The following ATRN variants were observed in gnomAD, a reference collection of about 807,000 sequenced individuals.
ATRN encodes attractin.
Under a neutral mutation model 178.7 loss-of-function variants are expected in ATRN, and 54 were observed. That is an observed-to-expected ratio of 0.30 (90% CI 0.24 to 0.38). The LOEUF is 0.38. Ranked by LOEUF, ATRN falls within the 10% of genes least tolerant of loss-of-function variation. The pLI, the probability that ATRN is intolerant of heterozygous loss-of-function variation, is 1.00. For synonymous variants in ATRN, 636 were observed against 663.0 expected, an observed-to-expected ratio of 0.96 and a Z score of 0.63; for missense variants, 1,443 against 1,815.1, an observed-to-expected ratio of 0.79 and a Z score of 3.73.
rs1464578570 is a variant in ATRN at position 3,471,039 on chromosome 20, A to T, written c.-69A>T. On this transcript the variant is annotated 5_prime_UTR_variant, in exon 1 of 29. Coordinates refer to ENST00000262919, the MANE Select transcript of ATRN (RefSeq NM_139321.3). Reference sequence around the variant, plus strand: ...CCGCACAGCCCCGCCCCGCACGGCCAGGCGAAGCGGAGCCGGCCGTGCGGT... The same window carrying T: ...CCGCACAGCCCCGCCCCGCACGGCCTGGCGAAGCGGAGCCGGCCGTGCGGT... 4.4e-6 allele frequency: 6 copies of T among 1,361,198 alleles called. No homozygotes were observed. Among genetic ancestry groups the T allele is most frequent in the South Asian group, 3.0e-5 (2 of 66,310 alleles). The allele number at this position is 1,361,198 out of a possible 1,614,324, so 84.3% of individuals were successfully genotyped here. A position where few individuals can be genotyped will look rare whatever the true frequency, so the allele number is the denominator to read the frequency against.
intron 25 of ATRN, among the ~76,000 whole-genome samples, chr20:3,631,529 A>G (rs1203818941): frequency 6.6e-6 from 1 of 152,128 alleles, no homozygotes; most frequent in Non-Finnish European, 1.5e-5. Context: ...CTCCTTAAAG[A>G]GGGAAATAAG....
intron 1 of ATRN, among the ~76,000 whole-genome samples, chr20:3,494,392 G>T (rs1600028080): frequency 6.6e-6 from 1 of 152,144 alleles, no homozygotes; most frequent in Non-Finnish European, 1.5e-5. Flanking sequence ...GACATGATCA[G>T]ATTGCCCTTG....
chr20:3,630,916 C>A (rs1404493506), intron 25 of ATRN, among the ~76,000 whole-genome samples: 1 of 43,426 alleles, frequency 2.3e-5, no homozygotes, highest in Non-Finnish European at 4.2e-5. Flanking sequence ...ATTTATTTAG[C>A]TTTTTTTTTT....
chr20:3,592,415 GAAA>G, intron 19 of ATRN: 3 of 626,146 alleles, frequency 4.8e-6, no homozygotes, highest in Non-Finnish European at 5.8e-6. Flanking sequence ...AAAAAAAAAA[GAAA>G]AAAAAAAAAG....
intron 24 of ATRN, among the ~76,000 whole-genome samples, chr20:3,624,259 CAG>C (rs1189574077): frequency 6.6e-6 from 1 of 152,172 alleles, no homozygotes; most frequent in Non-Finnish European, 1.5e-5. Flanking sequence ...GTCAAACAGA[CAG>C]AACCTCAGAA....
intron 2 of ATRN, among the ~76,000 whole-genome samples, chr20:3,536,844 G>C (rs976295041): frequency 6.6e-6 from 1 of 152,142 alleles, no homozygotes; most frequent in Non-Finnish European, 1.5e-5. Context: ...TAATAGTACA[G>C]TATTTTAAAA....
At chr20:3,583,257 A>C (rs969410020) in intron 16 of ATRN, among the ~76,000 whole-genome samples, 5 of 152,166 alleles carry the variant, frequency 3.3e-5, no homozygotes, top group Non-Finnish European at 7.4e-5. Flanking sequence ...CAAACATGAG[A>C]TTTTACATAT....
chr20:3,592,046 C>T lies in ATRN; in HGVS notation c.3322+740C>T, dbSNP rs77519077. On this transcript the variant is annotated intron_variant, in intron 19 of 28. Coordinates refer to ENST00000262919, the MANE Select transcript of ATRN (RefSeq NM_139321.3). Reference sequence around the variant, plus strand: ...GTGGTCAGGCCTGAAAAATCACACACGGGCTTTTTAACCAGGAGCCAGACT... The same window carrying T: ...GTGGTCAGGCCTGAAAAATCACACATGGGCTTTTTAACCAGGAGCCAGACT... 8.9e-4 allele frequency among the ~76,000 whole-genome samples: 136 copies of T among 152,336 alleles called. No individual in the cohort carries two copies. In the East Asian group the frequency reaches 0.013, roughly 15 times the overall value.
In ATRN at chr20:3,471,065, G is replaced by A. The variant is rs764107587; in HGVS notation, c.-43G>A. On this transcript the variant is annotated 5_prime_UTR_variant, in exon 1 of 29. In the 5' UTR this introduces an upstream ATG that the reference lacks. Transcript: ENST00000262919. ...GGCGAAGCGGAGCCGGCCGTGCGGT[G>A]TGTGTGTATGTGTTCGCGGGGCGCC... is the stretch of plus-strand genomic sequence containing the variant. The A allele has an allele frequency of 2.0e-6, 3 of 1,483,854 alleles. No homozygotes were observed. Among genetic ancestry groups the A allele is most frequent in the East Asian group, 2.9e-5 (1 of 34,206 alleles). 91.9% of individuals were successfully genotyped at this position (1,483,854 alleles called of 1,614,324 possible). A position where few individuals can be genotyped will look rare whatever the true frequency, so the allele number is the denominator to read the frequency against.
chr20:3,595,892 T>C (rs1018440818), intron 20 of ATRN, among the ~76,000 whole-genome samples: 12 of 152,076 alleles, frequency 7.9e-5, no homozygotes, highest in Non-Finnish European at 7.4e-5. Context: ...GTAGAACATA[T>C]TTTTTTTCTA....
chr20:3,504,025 A>G (rs2084999700), intron 1 of ATRN, among the ~76,000 whole-genome samples: 1 of 152,212 alleles, frequency 6.6e-6, no homozygotes, highest in Admixed American at 6.5e-5. Context: ...CTCATCTGAA[A>G]ACATGGAGGC....
At chr20:3,545,991 G>A (rs569587345) in intron 4 of ATRN, 101 bp downstream of exon 4, 46 of 1,305,460 alleles carry the variant, frequency 3.5e-5, no homozygotes, top group Non-Finnish European at 4.2e-5. Context: ...CAGGCATAGC[G>A]TCAGGCAGTT....
intron 18 of ATRN, among the ~76,000 whole-genome samples, chr20:3,589,151 TTTTTA>T (rs2086403021): frequency 1.3e-5 from 2 of 151,832 alleles, no homozygotes; most frequent in South Asian, 4.2e-4. Context: ...CCTAGCTAAT[TTTTTA>T]TTTTGTTTTG....
In ATRN at chr20:3,640,035, T is replaced by C. The variant is rs149564943; in HGVS notation, c.4050+1100T>C. 2.1e-3 allele frequency among the ~76,000 whole-genome samples: 313 copies of C among 152,258 alleles called. 2 individuals carry two copies. The highest frequency in any genetic ancestry group is 6.8e-3 in the African/African-American group (284 of 41,552). ...AAATAAGAGTAGCAGAAACAACAGA[T>C]GATTGATGTGGACAGGACTCCAAAT... On this transcript the variant is annotated intron_variant, in intron 27 of 28. Transcript: ENST00000262919.
At chr20:3,584,122 C>T in intron 17 of ATRN, 39 bp downstream of exon 17, 1 of 1,595,112 alleles carries the variant, frequency 6.3e-7, no homozygotes, top group South Asian at 1.1e-5. Flanking sequence ...TATGCATGCC[C>T]TCTGTATAGG....
rs1472919616 is a variant in ATRN at position 3,632,997 on chromosome 20, G to A, written c.3864-1314G>A. ...ATACAAAAATTAGCTGGGTGTGATGGCGCACACCTGTAGTCCAAGCTACTC... is the reference window on the plus strand; with the variant it reads ...ATACAAAAATTAGCTGGGTGTGATGACGCACACCTGTAGTCCAAGCTACTC... On this transcript the variant is annotated intron_variant, in intron 25 of 28. Transcript: ENST00000262919. The surrounding 1 kb of genome is among the most constrained non-coding windows in gnomAD (Gnocchi z 4.2). 6.6e-6 allele frequency among the ~76,000 whole-genome samples: 1 copy of A among 152,198 alleles called. No individual in the cohort carries two copies. Among genetic ancestry groups the A allele is most frequent in the Non-Finnish European group, 1.5e-5 (1 of 68,032 alleles).
At position 3,584,873 on chromosome 20, in the gene ATRN, C is replaced by A. The variant is rs774118992; in HGVS notation, c.3177C>A (p.His1059Gln). 8.7e-6 allele frequency: 14 copies of A among 1,613,934 alleles called. No individual in the cohort carries two copies. In the Admixed American group the frequency reaches 2.2e-4, roughly 25 times the overall value. Residue 1059 changes from histidine (H) to glutamine (Q), a missense_variant, in exon 18 of 29, where the codon CAC becomes CAA. His to Gln is a conservative substitution (Grantham distance 24, BLOSUM62 0). This residue lies in a region of ATRN where 80 missense variants were observed against 71.5 expected (regional missense o/e 1.12). Coordinates refer to ENST00000262919, the MANE Select transcript of ATRN (RefSeq NM_139321.3). The stretch of plus-strand genomic sequence containing the variant: ...GCAGATACAACTGGTCTTTCATTCA[C>A]TGTCCAGGTAAGATGCCTTGCATAT... ...EDSRYNWSFI[H>Q]CPACQCNGHS...
intron 1 of ATRN, among the ~76,000 whole-genome samples, chr20:3,521,518 A>G (rs1339395431): frequency 1.3e-5 from 2 of 152,218 alleles, no homozygotes; most frequent in Non-Finnish European, 2.9e-5. Context: ...CAGAACTAAA[A>G]TGGGAAATGT....
At chr20:3,606,296 C>T (rs1056844262) in intron 24 of ATRN, among the ~76,000 whole-genome samples, 1 of 152,188 alleles carries the variant, frequency 6.6e-6, no homozygotes, top group African/African-American at 2.4e-5. Flanking sequence ...TATCTCATTG[C>T]ATGGCTTTGA....
Sources: gnomAD v4.1 joint callset for allele counts (sites outside exome capture counted in the v4.1 genomes callset) on GRCh38, gnomAD v4.1.1 for gene constraint, gnomAD v4.1.1 regional missense constraint, Gnocchi (gnomAD v3.1) non-coding constraint, MANE v1.5 for transcripts, NCBI Gene and HGNC (gene_info 2026-07-23, HGNC 2026-07-21) for gene names.